PARD3: variants seen among roughly 807,000 people sequenced by gnomAD.
The protein encoded by PARD3 is par-3 family cell polarity regulator.
Under a neutral mutation model 155.4 loss-of-function variants are expected in PARD3, and 75 were observed. That is an observed-to-expected ratio of 0.48 (90% confidence interval 0.40 to 0.58). The LOEUF (loss-of-function observed/expected upper bound fraction) is 0.58. Ranked by LOEUF, PARD3 falls within the 20% of genes least tolerant of loss-of-function variation. The pLI is 0.00. For missense variants in PARD3, 1,642 were observed against 1,721.7 expected (o/e 0.95, Z 0.82); for synonymous variants, 576 against 610.5 (o/e 0.94, Z 0.83).
At chr10:34,135,662 C>T (rs1947855831) in intron 22 of PARD3, among the ~76,000 whole-genome samples, 1 of 152,186 alleles carries the variant, frequency 6.6e-6, no homozygotes, top group Non-Finnish European at 1.5e-5. Context: ...TGCCCCGCAC[C>T]TGTGCCCCAC....
intron 3 of PARD3, among the ~76,000 whole-genome samples, chr10:34,490,330 T>C (rs2079810237): frequency 6.6e-6 from 1 of 152,176 alleles, no homozygotes; most frequent in South Asian, 2.1e-4. Context: ...CAATTTATTT[T>C]ATTATTAGGG....
chr10:34,376,108 T>C (rs990033611), intron 10 of PARD3, among the ~76,000 whole-genome samples: 5 of 152,172 alleles, frequency 3.3e-5, no homozygotes, highest in Admixed American at 2.0e-4. Flanking sequence ...CTTTGTATGA[T>C]TCTAATTATC....
chr10:34,640,736 A>AAAAAAAAAAG (rs2092651601), intron 2 of PARD3, among the ~76,000 whole-genome samples: 1 of 144,068 alleles, frequency 6.9e-6, no homozygotes, highest in African/African-American at 2.6e-5. Flanking sequence ...AAAAAAAAAA[A>AAAAAAAAAAG]GCACTTTTAG....
intron 2 of PARD3, among the ~76,000 whole-genome samples, chr10:34,647,908 C>G (rs952095728): frequency 6.6e-6 from 1 of 152,152 alleles, no homozygotes; most frequent in African/African-American, 2.4e-5. Flanking sequence ...TTCCTGGGCC[C>G]AAATTAAAAC....
At chr10:34,778,453 G>A (rs929162116) in intron 1 of PARD3, among the ~76,000 whole-genome samples, 7 of 152,268 alleles carry the variant, frequency 4.6e-5, no homozygotes, top group South Asian at 2.1e-4. Context: ...AACAGACTTC[G>A]TTTGTGTTGC....
chr10:34,601,272 A>G (rs1419156818), intron 2 of PARD3, among the ~76,000 whole-genome samples: 6 of 150,990 alleles, frequency 4.0e-5, no homozygotes, highest in Non-Finnish European at 8.9e-5. Flanking sequence ...TACAAAGAAA[A>G]AAAAAAAAAA....
intron 1 of PARD3, among the ~76,000 whole-genome samples, chr10:34,728,493 T>C (rs1181027435): frequency 6.6e-6 from 1 of 152,190 alleles, no homozygotes. Context: ...CCCTGAAATG[T>C]GCCCTAACAG....
At chr10:34,668,503 G>A (rs950883231) in intron 2 of PARD3, among the ~76,000 whole-genome samples, 5 of 152,160 alleles carry the variant, frequency 3.3e-5, no homozygotes, top group Non-Finnish European at 2.9e-5. Flanking sequence ...TCCAGGAAGA[G>A]CAGAGAGAGG....
intron 21 of PARD3, among the ~76,000 whole-genome samples, chr10:34,275,893 T>G (rs369795282): frequency 6.6e-6 from 1 of 152,156 alleles, no homozygotes; most frequent in African/African-American, 2.4e-5. Context: ...CTCATTTTTC[T>G]GAACAGTCAG....
At chr10:34,237,083 T>C (rs919301585) in intron 22 of PARD3, among the ~76,000 whole-genome samples, 3 of 152,206 alleles carry the variant, frequency 2.0e-5, no homozygotes, top group African/African-American at 7.2e-5. Context: ...CAGCCCTCGA[T>C]ACACATTGCT....
intron 5 of PARD3, among the ~76,000 whole-genome samples, chr10:34,445,031 C>T (rs1243282042): frequency 6.6e-6 from 1 of 152,116 alleles, no homozygotes; most frequent in Non-Finnish European, 1.5e-5. Context: ...CAGTTCTACC[C>T]TGGTGTTCCC....
At chr10:34,716,651 G>A (rs938574595) in intron 1 of PARD3, among the ~76,000 whole-genome samples, 3 of 138,026 alleles carry the variant, frequency 2.2e-5, no homozygotes, top group Non-Finnish European at 3.1e-5. Context: ...AGAGTGCAAT[G>A]GTGCAATCTT....
chr10:34,617,275 T>A (rs1302920909), intron 2 of PARD3, among the ~76,000 whole-genome samples: 1 of 151,228 alleles, frequency 6.6e-6, no homozygotes, highest in East Asian at 1.9e-4. Context: ...AATAAATAAA[T>A]AAAAATAAAA....
At chr10:34,668,641 T>C (rs953837689) in intron 2 of PARD3, among the ~76,000 whole-genome samples, 1 of 152,184 alleles carries the variant, frequency 6.6e-6, no homozygotes, top group Non-Finnish European at 1.5e-5. Context: ...CAAAGATATA[T>C]CTTATGGTAC....
chr10:34,449,364 T>G (rs938862591), intron 5 of PARD3, among the ~76,000 whole-genome samples: 1 of 149,244 alleles, frequency 6.7e-6, no homozygotes, highest in East Asian at 2.0e-4. Flanking sequence ...TATAAAACAC[T>G]GGGATTCCCT....
rs147029615 is a variant in PARD3 at position 34,702,090 on chromosome 10, G to A, written c.121-5671C>T. ...TGAGGCAGGAGAATCGCTTGAACCCGGGAGGCAGAGGTTGCAGTGAGCTGA... is the reference window on the plus strand; with the variant it reads ...TGAGGCAGGAGAATCGCTTGAACCCAGGAGGCAGAGGTTGCAGTGAGCTGA... On this transcript the variant is annotated intron_variant, in intron 1 of 24. Transcript: ENST00000374788. 9.8e-3 allele frequency among the ~76,000 whole-genome samples: 1,493 copies of A among 151,984 alleles called. 28 individuals carry two copies. The highest frequency in any genetic ancestry group is 0.033 in the African/African-American group (1,367 of 41,458).
rs116754494 is a variant in PARD3, at chr10:34,484,840, C to A, written c.404-14577G>T. Among the ~76,000 whole-genome samples the A allele has an allele frequency of 4.7e-3, 710 of 152,284 alleles. 5 individuals carry two copies. Among genetic ancestry groups the A allele is most frequent in the African/African-American group, 0.016 (676 of 41,554 alleles). ...TGAACCTTTTGCATTCTCCTGCAGG[C>A]CACCTCTTGTGGAAAGCCTCTGACC... On this transcript the variant is annotated intron_variant, in intron 3 of 24. Transcript: ENST00000374788.
intron 22 of PARD3, among the ~76,000 whole-genome samples, chr10:34,164,386 AG>A (rs1949425344): frequency 6.6e-6 from 1 of 152,252 alleles, no homozygotes; most frequent in Non-Finnish European, 1.5e-5. Context: ...TGTAATCTCC[AG>A]GAATTAATCA....
chr10:34,278,991 G>A (rs1457062231), intron 21 of PARD3, among the ~76,000 whole-genome samples: 1 of 152,066 alleles, frequency 6.6e-6, no homozygotes, highest in East Asian at 1.9e-4. Context: ...GCAGAGAGAT[G>A]CTCTTAAGCC....
Sources: allele counts gnomAD v4.1 joint callset (sites outside exome capture counted in the v4.1 genomes callset), GRCh38; gene constraint gnomAD v4.1.1; transcripts MANE v1.5; gene names NCBI Gene and HGNC (gene_info 2026-07-23, HGNC 2026-07-21).